The following MAGI2 variants were observed in gnomAD, a reference collection of about 807,000 sequenced individuals.
MAGI2 encodes membrane associated guanylate kinase, WW and PDZ domain containing 2, also known as membrane-associated guanylate kinase, WW and PDZ domain-containing protein 2.
MAGI2 carries 35 observed loss-of-function variants against 133.3 expected under a neutral mutation model. The observed-to-expected ratio is 0.26, with a 90% CI of 0.20 to 0.35. The LOEUF (loss-of-function observed/expected upper bound fraction) is 0.35. MAGI2 is among the 10% of genes least tolerant of loss of function. The pLI is 1.00. For synonymous variants in MAGI2, 729 were observed against 710.6 expected (o/e 1.03, Z -0.41); for missense variants, 1,636 against 1,863.4 (o/e 0.88, Z 2.25).
At chr7:78,511,510 G>T (rs1015853811) in intron 4 of MAGI2, among the ~76,000 whole-genome samples, 10 of 144,212 alleles carry the variant, frequency 6.9e-5, no homozygotes, top group Non-Finnish European at 7.5e-5. Flanking sequence ...ATTGTATAGT[G>T]ACTTTTTTTT....
chr7:78,623,310 T>A lies in MAGI2; in HGVS notation c.538+3810A>T, dbSNP rs571173249. Among the ~76,000 whole-genome samples the A allele has an allele frequency of 3.4e-4, 36 of 107,228 alleles. 1 individual carries two copies. In the South Asian group the frequency reaches 0.012, roughly 37 times the overall value. The allele number at this position is 107,228 out of a possible 152,430, so 70.3% of individuals were successfully genotyped here. On this transcript the variant is annotated intron_variant, in intron 3 of 21. Coordinates refer to ENST00000354212, the MANE Select transcript of MAGI2 (RefSeq NM_012301.4). ...TACATAAGTGATATTTAAATAAGGT[T>A]GTAAAGCATAATACATTATATTAAA...
At chr7:78,951,056 C>T (rs1290112757) in intron 2 of MAGI2, among the ~76,000 whole-genome samples, 1 of 151,444 alleles carries the variant, frequency 6.6e-6, no homozygotes, top group Non-Finnish European at 1.5e-5. Context: ...ACTGCACCTC[C>T]CACCTCCTGG....
At chr7:79,139,677 A>C (rs964669034) in intron 1 of MAGI2, among the ~76,000 whole-genome samples, 3 of 152,196 alleles carry the variant, frequency 2.0e-5, no homozygotes, top group Non-Finnish European at 4.4e-5. Flanking sequence ...ACACGAATTG[A>C]GTGGATGAAG....
chr7:79,253,622 G>A (rs1274067909), intron 1 of MAGI2, among the ~76,000 whole-genome samples: 2 of 151,942 alleles, frequency 1.3e-5, no homozygotes, highest in African/African-American at 4.8e-5. Flanking sequence ...CAGCCTATAT[G>A]ACAGAAAGGG....
At chr7:79,414,230 A>T (rs1846341086) in intron 1 of MAGI2, 1 of 152,302 alleles carries the variant, frequency 6.6e-6, no homozygotes, top group African/African-American at 2.4e-5. Flanking sequence ...TTCAATAAAC[A>T]CACATATTTC....
intron 2 of MAGI2, among the ~76,000 whole-genome samples, chr7:78,931,467 C>T (rs1800115617): frequency 6.6e-6 from 1 of 152,078 alleles, no homozygotes; most frequent in Admixed American, 6.6e-5. Flanking sequence ...CTATGACAGG[C>T]AATGTTCTGG....
chr7:79,057,661 A>G (rs1813275334), intron 1 of MAGI2, among the ~76,000 whole-genome samples: 1 of 152,154 alleles, frequency 6.6e-6, no homozygotes, highest in African/African-American at 2.4e-5. Context: ...AGGTATTTCA[A>G]TGGCAGGTGC....
At chr7:78,646,460 T>G (rs376433773) in intron 2 of MAGI2, among the ~76,000 whole-genome samples, 1 of 152,240 alleles carries the variant, frequency 6.6e-6, no homozygotes, top group African/African-American at 2.4e-5. Context: ...TATTCGACTA[T>G]GTAAATTTAG....
At chr7:78,661,684 A>T (rs1563315269) in intron 2 of MAGI2, among the ~76,000 whole-genome samples, 2 of 152,206 alleles carry the variant, frequency 1.3e-5, no homozygotes, top group Non-Finnish European at 1.5e-5. Flanking sequence ...AACTCTTCCT[A>T]GTTACAGTCT....
intron 1 of MAGI2, among the ~76,000 whole-genome samples, chr7:79,108,621 T>C (rs1010753978): frequency 9.9e-5 from 15 of 152,236 alleles, no homozygotes; most frequent in African/African-American, 3.4e-4. Flanking sequence ...GTTAACTTTG[T>C]ATATCCCTGC....
At chr7:79,377,904 A>G (rs561498256) in intron 1 of MAGI2, among the ~76,000 whole-genome samples, 1 of 151,988 alleles carries the variant, frequency 6.6e-6, no homozygotes, top group Admixed American at 6.6e-5. Flanking sequence ...CACAGAAAAC[A>G]GCACCAGGAG....
intron 1 of MAGI2, among the ~76,000 whole-genome samples, chr7:79,094,784 T>C (rs1438658119): frequency 6.6e-6 from 1 of 152,220 alleles, no homozygotes; most frequent in Non-Finnish European, 1.5e-5. Flanking sequence ...AAGGAATCTT[T>C]TTCTGAACAG....
intron 21 of MAGI2, among the ~76,000 whole-genome samples, chr7:78,049,878 C>T (rs900217322): frequency 5.3e-5 from 8 of 152,166 alleles, no homozygotes; most frequent in African/African-American, 1.7e-4. Flanking sequence ...GCCAGGTTTT[C>T]AGGGTCTCAC....
chr7:78,397,263 A>G (rs1192004531), intron 6 of MAGI2, among the ~76,000 whole-genome samples: 1 of 152,082 alleles, frequency 6.6e-6, no homozygotes, highest in Non-Finnish European at 1.5e-5. Flanking sequence ...AGGAAAAAGA[A>G]GAAGCAGAGA....
chr7:78,539,295 T>C (rs1474447788), intron 3 of MAGI2, among the ~76,000 whole-genome samples: 2 of 152,196 alleles, frequency 1.3e-5, no homozygotes, highest in East Asian at 3.9e-4. Context: ...TTTTTAATTC[T>C]GTTTATGTGG....
At chr7:79,229,323 C>G (rs1831151621) in intron 1 of MAGI2, among the ~76,000 whole-genome samples, 1 of 152,082 alleles carries the variant, frequency 6.6e-6, no homozygotes, top group African/African-American at 2.4e-5. Flanking sequence ...CCCATACATG[C>G]TACAAAGAAC....
At chr7:78,141,437 A>T (rs1372022265) in intron 16 of MAGI2, among the ~76,000 whole-genome samples, 2 of 152,204 alleles carry the variant, frequency 1.3e-5, no homozygotes, top group Non-Finnish European at 2.9e-5. Flanking sequence ...CCCTTCCTGG[A>T]ATATGACAAG....
intron 6 of MAGI2, among the ~76,000 whole-genome samples, chr7:78,401,804 C>T (rs758480847): frequency 2.6e-5 from 4 of 152,066 alleles, no homozygotes; most frequent in Non-Finnish European, 5.9e-5. Flanking sequence ...ATAATACCTA[C>T]CACACAGGAC....
chr7:78,328,183 A>AT (rs999981430), intron 9 of MAGI2, among the ~76,000 whole-genome samples: 1 of 151,610 alleles, frequency 6.6e-6, no homozygotes, highest in Non-Finnish European at 1.5e-5. Context: ...GCAGGTGGTT[A>AT]TTTTTTTTCC....
Sources: allele counts gnomAD v4.1 joint callset (sites outside exome capture counted in the v4.1 genomes callset), GRCh38; gene constraint gnomAD v4.1.1; transcripts MANE v1.5; gene names NCBI Gene and HGNC (gene_info 2026-07-23, HGNC 2026-07-21).